Variants in CHL1 observed in about 807,000 individuals in gnomAD.
The protein encoded by CHL1 is cell adhesion molecule L1 like.
Under a neutral mutation model 141.9 loss-of-function variants are expected in CHL1, and 96 were observed. The observed-to-expected ratio is 0.68, with a 90% CI of 0.57 to 0.80. The LOEUF is 0.80. Ranked by LOEUF, CHL1 falls within the 30% of genes least tolerant of loss-of-function variation. The pLI, the probability that CHL1 is intolerant of heterozygous loss-of-function variation, is 0.00. For missense variants in CHL1, 1,820 were observed against 1,457.2 expected (o/e 1.25, Z -4.05); for synonymous variants, 613 against 502.2 (o/e 1.22, Z -2.95).
In CHL1 at chr3:382,607, C is replaced by G. The variant is rs368860831; in HGVS notation, c.2112C>G (p.Ala704=). The part of the protein sequence containing the change: ...PFVRYQFRVI[A]VNEVGRSQPS... ...TGAGATACCAGTTCAGGGTCATAGC[C>G]GTGAACGAAGTAGGGAGAAGTCAGC... The change falls in exon 18 of 28, where the codon GCC becomes GCG. Residue 704 remains alanine (A), a synonymous_variant. Coordinates refer to ENST00000256509, the MANE Select transcript of CHL1 (RefSeq NM_006614.4). The G allele has an allele frequency of 2.3e-5, 37 of 1,613,714 alleles. No individual in the cohort carries two copies. Among genetic ancestry groups the G allele is most frequent in the Non-Finnish European group, 3.4e-6 (4 of 1,179,880 alleles).
chr3:242,418 A>G (rs1692710393), intron 1 of CHL1, among the ~76,000 whole-genome samples: 1 of 138,384 alleles, frequency 7.2e-6, no homozygotes, highest in Non-Finnish European at 1.6e-5. Context: ...AACACGGTGA[A>G]ACCCCGTCTC....
chr3:282,090 A>T (rs1034166128), intron 2 of CHL1, among the ~76,000 whole-genome samples: 1 of 152,028 alleles, frequency 6.6e-6, no homozygotes, highest in East Asian at 1.9e-4. Flanking sequence ...CTTGTTTTTC[A>T]TTAAATAAAT....
At chr3:294,066 C>T (rs2124831649) in intron 2 of CHL1, among the ~76,000 whole-genome samples, 1 of 152,202 alleles carries the variant, frequency 6.6e-6, no homozygotes, top group East Asian at 1.9e-4. Flanking sequence ...CACCTGTGTT[C>T]TAAGCACTTT....
At chr3:336,842 T>C (rs538214037) in intron 5 of CHL1, among the ~76,000 whole-genome samples, 203 of 152,340 alleles carry the variant, frequency 1.3e-3, no homozygotes, top group Middle Eastern at 6.8e-3. Context: ...GCAAATTTTG[T>C]ATCTGCAGGT....
chr3:250,947 G>C (rs331886), intron 2 of CHL1, among the ~76,000 whole-genome samples: 21,830 of 152,012 alleles, frequency 0.14, 1,911 homozygotes, highest in East Asian at 0.39. Context: ...AGAGCCACAG[G>C]GTTGAAGATA....
intron 11 of CHL1, among the ~76,000 whole-genome samples, chr3:356,316 T>C (rs777240025): frequency 6.6e-6 from 1 of 152,222 alleles, no homozygotes; most frequent in Non-Finnish European, 1.5e-5. Context: ...TTTGGCTGTT[T>C]ACAAAAGACA....
In CHL1 at chr3:370,250, A is replaced by G. The variant is rs151136572; in HGVS notation, c.1751+4135A>G. On this transcript the variant is annotated intron_variant, in intron 15 of 27. Transcript: ENST00000256509. ...CCTGGGCTTTATTGGCTGGTAGACT[A>G]TTAATTACTGCCTCAATTTCAGAAT... is the stretch of plus-strand genomic sequence containing the variant. Among the ~76,000 whole-genome samples the G allele has an allele frequency of 6.5e-3, 993 of 152,262 alleles. 13 individuals are homozygous for G. Among genetic ancestry groups the G allele is most frequent in the African/African-American group, 0.023 (954 of 41,544 alleles).
intron 2 of CHL1, among the ~76,000 whole-genome samples, chr3:251,950 GT>G (rs1412589605): frequency 6.6e-6 from 1 of 151,888 alleles, no homozygotes; most frequent in Non-Finnish European, 1.5e-5. Flanking sequence ...AACAAATTCA[GT>G]TTTTCAACTA....
intron 3 of CHL1, among the ~76,000 whole-genome samples, chr3:324,235 G>C (rs540592359): frequency 5.9e-5 from 9 of 152,196 alleles, no homozygotes; most frequent in African/African-American, 1.7e-4. Context: ...ACAGGTTTTA[G>C]GGCCTCATTT....
intron 11 of CHL1, among the ~76,000 whole-genome samples, chr3:356,629 C>T (rs544048458): frequency 2.4e-4 from 36 of 152,220 alleles, no homozygotes; most frequent in Non-Finnish European, 3.5e-4. Context: ...AGTAAGACCC[C>T]TGTGGTAATT....
In CHL1 at chr3:340,936, A is replaced by G; in HGVS notation, c.508+20A>G. On this transcript the variant is annotated intron_variant, in intron 6 of 27. Coordinates refer to ENST00000256509, the MANE Select transcript of CHL1 (RefSeq NM_006614.4). Reference sequence around the variant, plus strand: ...ATATTGGTAAGTAATGCTCCGTTCCATCAAAAAAGGGGGACATTTTAATTC... The same window carrying G: ...ATATTGGTAAGTAATGCTCCGTTCCGTCAAAAAAGGGGGACATTTTAATTC... 1 of 1,601,640 alleles carries G rather than the reference A, an allele frequency of 6.2e-7. No individual in the cohort carries two copies. Among genetic ancestry groups the G allele is most frequent in the Non-Finnish European group, 8.5e-7 (1 of 1,174,868 alleles).
intron 2 of CHL1, among the ~76,000 whole-genome samples, chr3:273,465 G>A (rs1325618410): frequency 6.6e-6 from 1 of 152,006 alleles, no homozygotes; most frequent in African/African-American, 2.4e-5. Flanking sequence ...TTTTCTCTTA[G>A]CCTCTGTGTT....
rs372316557 is a variant in CHL1 at position 325,319 on chromosome 3, T to C, written c.92-640T>C. ...TTTTGTTATTTGTGTATATATTCTG[T>C]GGTGAAATGATATTTACAATTTACC... On this transcript the variant is annotated intron_variant, in intron 3 of 27. Coordinates refer to ENST00000256509, the MANE Select transcript of CHL1 (RefSeq NM_006614.4). 4.6e-5 allele frequency among the ~76,000 whole-genome samples: 7 copies of C among 152,174 alleles called. No homozygotes were observed. The South Asian group carries it at 1.2e-3, about 27-fold the overall frequency.
Position 389,486 on chromosome 3 carries a change from A to T in CHL1, c.2470+12A>T. The T allele has an allele frequency of 3.1e-6, 5 of 1,594,988 alleles. No individual in the cohort carries two copies. The highest frequency in any genetic ancestry group is 4.3e-6 in the Non-Finnish European group (5 of 1,163,010). On this transcript the variant is annotated intron_variant, in intron 20 of 27. Transcript: ENST00000256509. ...TTCTGGAGAAGACTGTAAGTGATGCACCTAAAACTGCTAAGCACGTCAGTA... is the reference window on the plus strand; with the variant it reads ...TTCTGGAGAAGACTGTAAGTGATGCTCCTAAAACTGCTAAGCACGTCAGTA...
intron 3 of CHL1, among the ~76,000 whole-genome samples, chr3:322,952 TTAA>T (rs1700716492): frequency 6.6e-6 from 1 of 151,946 alleles, no homozygotes; most frequent in African/African-American, 2.4e-5. Context: ...TTAAAAATTA[TTAA>T]TGTTATTAAT....
At chr3:363,484 TAA>T in intron 14 of CHL1, 101 bp downstream of exon 14, 1 of 1,108,506 alleles carries the variant, frequency 9.0e-7, no homozygotes, top group South Asian at 1.6e-5. Context: ...GAGTACCAGA[TAA>T]AGTTCTTTGA....
chr3:317,874 G>C (rs189540046), intron 2 of CHL1, among the ~76,000 whole-genome samples: 1 of 151,958 alleles, frequency 6.6e-6, no homozygotes, highest in Non-Finnish European at 1.5e-5. Context: ...TTCATCAGAA[G>C]AGTAGTGTCA....
At chr3:350,661 A>T (rs540969837) in intron 10 of CHL1, among the ~76,000 whole-genome samples, 1 of 152,168 alleles carries the variant, frequency 6.6e-6, no homozygotes, top group South Asian at 2.1e-4. Flanking sequence ...ATGTTAACAC[A>T]GTTGATTTAG....
chr3:330,715 A>T lies in CHL1; in HGVS notation c.385+2361A>T, dbSNP rs536054601. Among the ~76,000 whole-genome samples, 5 of 152,310 alleles carry T rather than the reference A, an allele frequency of 3.3e-5. No homozygotes were observed. In the East Asian group the frequency reaches 9.6e-4, roughly 29 times the overall value. On this transcript the variant is annotated intron_variant, in intron 5 of 27. Transcript: ENST00000256509. ...TTTAGTTTTTGTTTCTGTTTGTGAA[A>T]TGTGACCAGCTGGTTCAAAAATATC...
Sources: allele counts gnomAD v4.1 joint callset (sites outside exome capture counted in the v4.1 genomes callset), GRCh38; gene constraint gnomAD v4.1.1; transcripts MANE v1.5; gene names NCBI Gene and HGNC (gene_info 2026-07-23, HGNC 2026-07-21).